Variants in TTC39C observed in about 807,000 individuals in gnomAD.
TTC39C encodes tetratricopeptide repeat domain 39C, also known as tetratricopeptide repeat protein 39C.
Under a neutral mutation model 76.3 loss-of-function variants are expected in TTC39C, and 33 were observed. The ratio of observed to expected loss-of-function variants is 0.43; its 90% CI spans 0.33 to 0.58. The LOEUF is 0.58. Among genes scored for constraint, TTC39C ranks in the 20% least tolerant of loss-of-function variants. The pLI is 0.04. For missense variants in TTC39C, 595 were observed against 701.4 expected (o/e 0.85, Z 1.71); for synonymous variants, 254 against 260.6 (o/e 0.97, Z 0.24).
At chr18:24,091,649 G>A (rs755745590) in intron 6 of TTC39C, among the ~76,000 whole-genome samples, 1 of 152,024 alleles carries the variant, frequency 6.6e-6, no homozygotes, top group Admixed American at 6.6e-5. Flanking sequence ...AAACATTTGC[G>A]CTATAAACAA....
intron 1 of TTC39C, among the ~76,000 whole-genome samples, chr18:24,052,995 A>G (rs2083971662): frequency 6.6e-6 from 1 of 152,264 alleles, no homozygotes; most frequent in Admixed American, 6.5e-5. Context: ...TCTGATTTGT[A>G]GCAGGATTCA....
At chr18:24,076,502 G>A (rs1462089428) in intron 4 of TTC39C, among the ~76,000 whole-genome samples, 1 of 151,938 alleles carries the variant, frequency 6.6e-6, no homozygotes, top group Non-Finnish European at 1.5e-5. Flanking sequence ...ACAGTGCAGA[G>A]CGTCCTGTTC....
intron 1 of TTC39C, among the ~76,000 whole-genome samples, chr18:24,027,877 A>G (rs973810583): frequency 1.1e-5 from 1 of 90,846 alleles, no homozygotes; most frequent in Non-Finnish European, 2.2e-5. Context: ...CTCTTGACCT[A>G]TCCAAGGCTG....
At chr18:24,113,433 C>T in intron 6 of TTC39C, 1 of 610,338 alleles carries the variant, frequency 1.6e-6, no homozygotes, top group East Asian at 2.8e-5. Flanking sequence ...AGGACCCTTC[C>T]AGCCCACCTG....
At chr18:24,008,931 T>C (rs2083375015) in intron 1 of TTC39C, among the ~76,000 whole-genome samples, 1 of 152,180 alleles carries the variant, frequency 6.6e-6, no homozygotes, top group South Asian at 2.1e-4. Context: ...ACATCATCCT[T>C]AGCAAACTCA....
At chr18:24,121,954 C>G (rs896633156) in intron 8 of TTC39C, among the ~76,000 whole-genome samples, 2 of 152,186 alleles carry the variant, frequency 1.3e-5, no homozygotes, top group African/African-American at 4.8e-5. Flanking sequence ...GCACACTCCT[C>G]CATCTGGACC....
At chr18:24,042,403 C>A (rs113949816) in intron 1 of TTC39C, among the ~76,000 whole-genome samples, 1 of 152,104 alleles carries the variant, frequency 6.6e-6, no homozygotes, top group Non-Finnish European at 1.5e-5. Flanking sequence ...CTAGACCCCC[C>A]ACGTGCACAG....
intron 7 of TTC39C, 100 bp from the exon 8 acceptor site, chr18:24,118,025 A>G: frequency 2.3e-6 from 2 of 857,164 alleles, no homozygotes; most frequent in East Asian, 2.7e-5. Context: ...TTCATAGAAC[A>G]TGCACAGAGA....
At chr18:24,103,082 A>G (rs1168851104) in intron 6 of TTC39C, among the ~76,000 whole-genome samples, 1 of 152,200 alleles carries the variant, frequency 6.6e-6, no homozygotes, top group Non-Finnish European at 1.5e-5. Context: ...AACCTGGGCA[A>G]CAGAGTGAGA....
At chr18:24,078,584 G>A (rs144325105) in intron 4 of TTC39C, among the ~76,000 whole-genome samples, 5 of 152,328 alleles carry the variant, frequency 3.3e-5, no homozygotes, top group African/African-American at 9.6e-5. Context: ...GGGAGACCAG[G>A]CACAAGCTTC....
chr18:24,024,518 G>A (rs1419568500), intron 1 of TTC39C, among the ~76,000 whole-genome samples: 1 of 152,158 alleles, frequency 6.6e-6, no homozygotes, highest in Non-Finnish European at 1.5e-5. Flanking sequence ...AAGGGAAGGA[G>A]GGAAATAACC....
rs1374651337 is a variant in TTC39C at position 24,128,800 on chromosome 18, G to A, written c.1421-86G>A. On this transcript the variant is annotated intron_variant, in intron 10 of 13. Coordinates refer to ENST00000317571, the MANE Select transcript of TTC39C (RefSeq NM_001135993.2). The stretch of plus-strand genomic sequence containing the variant: ...ATATCAGGAGGCAGAAACATGAACT[G>A]AAACATTTACCTCACTCTTCATGAT... 5 of 1,098,728 alleles carry A rather than the reference G, an allele frequency of 4.6e-6. No individual in the cohort carries two copies. The African/African-American group carries it at 7.9e-5, about 17-fold the overall frequency. The allele number at this position is 1,098,728 out of a possible 1,614,324, so 68.1% of individuals were successfully genotyped here.
upstream of TTC39C, among the ~76,000 whole-genome samples, chr18:24,013,192 G>C (rs556276026): frequency 2.8e-4 from 42 of 152,326 alleles, no homozygotes; most frequent in East Asian, 7.9e-3. Flanking sequence ...CATGAATGCA[G>C]TGACTCCTGC....
At chr18:24,034,059 G>A (rs145719454) in intron 1 of TTC39C, among the ~76,000 whole-genome samples, 138 of 152,348 alleles carry the variant, frequency 9.1e-4, no homozygotes, top group African/African-American at 3.0e-3. Context: ...TGCAGCCACA[G>A]GCAGTTAGTG....
Position 24,079,092 on chromosome 18 carries a change from C to G in TTC39C, c.461-1493C>G, listed in dbSNP as rs76701947. The stretch of plus-strand genomic sequence containing the variant: ...CCTCTTTTCCTACTGTTCTAAAGGG[C>G]CTGGAAGTCTGACAGTTCATGTTGT... On this transcript the variant is annotated intron_variant, in intron 4 of 13. Transcript: ENST00000317571. Among the ~76,000 whole-genome samples the G allele has an allele frequency of 1.7e-3, 261 of 152,166 alleles. 11 individuals carry two copies. In the East Asian group the frequency reaches 0.046, roughly 27 times the overall value.
At chr18:24,024,661 A>G (rs2083575233) in intron 1 of TTC39C, among the ~76,000 whole-genome samples, 1 of 152,210 alleles carries the variant, frequency 6.6e-6, no homozygotes, top group African/African-American at 2.4e-5. Flanking sequence ...GTGTGCTGAC[A>G]GAGTGTCTCA....
chr18:23,997,669 A>AGAAAGAAG lies in TTC39C; in HGVS notation c.-17+4638_-17+4639insGGAAAGAA, dbSNP rs1568398767. 7.5e-5 allele frequency among the ~76,000 whole-genome samples: 10 copies of AGAAAGAAG among 133,014 alleles called. No individual in the cohort carries two copies. In the South Asian group the frequency reaches 7.8e-4, roughly 10 times the overall value. The allele number at this position is 133,014 out of a possible 152,430, so 87.3% of individuals were successfully genotyped here. A position where few individuals can be genotyped will look rare whatever the true frequency, so the allele number is the denominator to read the frequency against. On this transcript the variant is annotated intron_variant, in intron 1 of 13. Transcript: ENST00000304621. ...GAAGGAAGGAGAAAGAAAGAAAGAA[A>AGAAAGAAG]GAAAGAAAGAAAGAAAGAAAGAAAG...
rs2083434547 is a variant in TTC39C, at chr18:24,014,993, T to C, written c.122T>C (p.Leu41Pro). The change falls in exon 1 of 14, where the codon CTC becomes CCC. Residue 41 changes from leucine (L) to proline (P), a missense_variant. Leu to Pro is a moderately conservative substitution (Grantham distance 98, BLOSUM62 -3). Transcript: ENST00000317571. ...GCCCTGGCCGGCATCAACATGCTGC[T>C]CAACAACGGCTTCAGGGAGTCGGAC... ...ELALAGINML[L>P]NNGFRESDQL... 1.3e-6 allele frequency: 2 copies of C among 1,525,596 alleles called. No homozygotes were observed. The highest frequency in any genetic ancestry group is 1.8e-6 in the Non-Finnish European group (2 of 1,136,716). 94.5% of individuals were successfully genotyped at this position (1,525,596 alleles called of 1,614,324 possible). A position where few individuals can be genotyped will look rare whatever the true frequency, so the allele number is the denominator to read the frequency against.
At chr18:24,086,494 C>G (rs1458878898) in intron 6 of TTC39C, among the ~76,000 whole-genome samples, 6 of 152,194 alleles carry the variant, frequency 3.9e-5, no homozygotes, top group Non-Finnish European at 5.9e-5. Context: ...CAGATCTGCT[C>G]CTGTCGTGCC....
Sources: gnomAD v4.1 joint callset for allele counts (sites outside exome capture counted in the v4.1 genomes callset) on GRCh38, gnomAD v4.1.1 for gene constraint, MANE v1.5 for transcripts, NCBI Gene and HGNC (gene_info 2026-07-23, HGNC 2026-07-21) for gene names.